The following MYO18A variants were observed in gnomAD, a reference collection of about 807,000 sequenced individuals.
The protein encoded by MYO18A is unconventional myosin-XVIIIa.
MYO18A carries 78 observed loss-of-function variants against 235.8 expected under a neutral mutation model. The ratio of observed to expected loss-of-function variants is 0.33; its 90% confidence interval spans 0.28 to 0.40. The LOEUF (loss-of-function observed/expected upper bound fraction) is 0.40, where lower values mean the gene tolerates loss of function less well. Among genes scored for constraint, MYO18A ranks in the 10% least tolerant of loss-of-function variants. The pLI, the probability that MYO18A is intolerant of heterozygous loss-of-function variation, is 1.00. For synonymous variants in MYO18A, 977 were observed against 1,077.8 expected (o/e 0.91, Z 1.83); for missense variants, 2,215 against 2,699.3 (o/e 0.82, Z 3.98).
chr17:29,135,432 C>T (rs1367538042), intron 2 of MYO18A, among the ~76,000 whole-genome samples: 1 of 92,528 alleles, frequency 1.1e-5, no homozygotes, highest in Non-Finnish European at 2.1e-5. Context: ...AACTGCTTAT[C>T]ATGAATAATA....
intron 34 of MYO18A, among the ~76,000 whole-genome samples, chr17:29,092,093 G>T (rs2066410908): frequency 2.0e-5 from 3 of 152,200 alleles, no homozygotes; most frequent in Non-Finnish European, 4.4e-5. Context: ...AGCTCCCGTA[G>T]GCAGGTGGTT....
intron 1 of MYO18A, among the ~76,000 whole-genome samples, chr17:29,173,124 C>T (rs1330838042): frequency 3.4e-5 from 5 of 145,632 alleles, no homozygotes; most frequent in East Asian, 4.0e-4. Flanking sequence ...GACGGAGTTT[C>T]GCTCTTGTTG....
At chr17:29,116,564 G>A in intron 10 of MYO18A, 109 bp from the exon 11 acceptor site, 1 of 1,295,368 alleles carries the variant, frequency 7.7e-7, no homozygotes, top group South Asian at 1.2e-5. Flanking sequence ...GGGGTGTTGT[G>A]AGGATGAGTA....
chr17:29,098,006 GGC>G, intron 25 of MYO18A, 97 bp downstream of exon 25: 3 of 1,576,870 alleles, frequency 1.9e-6, no homozygotes. Flanking sequence ...AGGGATGCTG[GGC>G]TAGGGGTGAA....
intron 2 of MYO18A, among the ~76,000 whole-genome samples, 166 bp downstream of exon 2, chr17:29,165,776 C>G (rs2068267459): frequency 6.6e-6 from 1 of 152,200 alleles, no homozygotes; most frequent in Non-Finnish European, 1.5e-5. Context: ...GGGGCACCTT[C>G]TCCTGAGTTC....
At chr17:29,083,527 C>CGT (rs1161136931) in intron 40 of MYO18A, among the ~76,000 whole-genome samples, 17 of 75,618 alleles carry the variant, frequency 2.2e-4, no homozygotes, top group Non-Finnish European at 3.9e-4. Flanking sequence ...TGTGTGCGCG[C>CGT]GCGCGCACAC....
In MYO18A at chr17:29,097,841, G is replaced by C. The variant is rs1254405735; in HGVS notation, c.4049C>G (p.Ala1350Gly). Residue 1350 changes from alanine to glycine, a missense_variant, in exon 26 of 42, where the codon GCC (alanine) becomes GGC (glycine). Transcript: ENST00000527372. The part of the protein sequence containing the change: ...MEVMEMEVME[A>G]RLIRAAEING... ...GATCTCCGCTGCCCGGATGAGACGG[G>C]CCTCCATCACCTCCATTTCCATAAC... 1.2e-6 allele frequency: 2 copies of C among 1,613,894 alleles called. No homozygotes were observed. Among genetic ancestry groups the C allele is most frequent in the Non-Finnish European group, 1.7e-6 (2 of 1,179,826 alleles).
At chr17:29,143,602 T>C (rs1331689721) in intron 2 of MYO18A, among the ~76,000 whole-genome samples, 1 of 152,184 alleles carries the variant, frequency 6.6e-6, no homozygotes, top group African/African-American at 2.4e-5. Flanking sequence ...AAATGAGGCA[T>C]TGTAAGCAAA....
chr17:29,155,004 T>C (rs1460803632), intron 2 of MYO18A, among the ~76,000 whole-genome samples: 3 of 152,140 alleles, frequency 2.0e-5, no homozygotes, highest in African/African-American at 7.2e-5. Flanking sequence ...CTAGATACTT[T>C]CCCCTTGATG....
chr17:29,118,045 CT>C lies in MYO18A; in HGVS notation c.2037del (p.Glu680LysfsTer67). 6.3e-7 allele frequency: 1 copy of C among 1,579,314 alleles called. No individual in the cohort carries two copies. The highest frequency in any genetic ancestry group is 8.6e-7 in the Non-Finnish European group (1 of 1,162,598). On this transcript the variant is annotated frameshift_variant and splice_region_variant, in exon 10 of 42. Transcript: ENST00000527372. LOFTEE classifies it high-confidence loss of function. The surrounding 1 kb of genome is among the most constrained non-coding windows in gnomAD (Gnocchi z 4.2). ...IYHLGAAGATKEAAEAGRKQF... is the reference protein window; with the variant it reads ...IYHLGAAGATXEAAEAGRKQF... ...CCTACTGGGACCCACTGCAGGTTACCTTTGGTGGCTCCCGCAGCCCCCAGGT... is the reference window on the plus strand; with the variant it reads ...CCTACTGGGACCCACTGCAGGTTACCTTGGTGGCTCCCGCAGCCCCCAGGT...
At chr17:29,153,644 T>C (rs1244796896) in intron 2 of MYO18A, among the ~76,000 whole-genome samples, 2 of 152,180 alleles carry the variant, frequency 1.3e-5, no homozygotes, top group Admixed American at 1.3e-4. Flanking sequence ...TCCTCACCTG[T>C]GGGTCCTTGC....
At chr17:29,081,141 A>C in intron 41 of MYO18A, 1 of 353,488 alleles carries the variant, frequency 2.8e-6, no homozygotes, top group Middle Eastern at 1.3e-3. Flanking sequence ...CGAAAGGAGG[A>C]GAAAACGGCA....
intron 1 of MYO18A, among the ~76,000 whole-genome samples, chr17:29,173,480 C>A (rs1170556460): frequency 6.6e-6 from 1 of 151,524 alleles, no homozygotes; most frequent in Non-Finnish European, 1.5e-5. Flanking sequence ...CTCCGCCTCC[C>A]GGGTTCACGC....
intron 2 of MYO18A, among the ~76,000 whole-genome samples, chr17:29,159,078 C>T (rs1032561870): frequency 1.9e-4 from 29 of 152,282 alleles, no homozygotes; most frequent in African/African-American, 6.7e-4. Flanking sequence ...CAGGTCAGTG[C>T]AGCCTGGGCA....
rs112770318 is a variant in MYO18A at position 29,083,534 on chromosome 17, A to G, written c.5898-1096T>C. Among the ~76,000 whole-genome samples the G allele has an allele frequency of 4.7e-3, 686 of 145,576 alleles. 2 individuals are homozygous for G. Among genetic ancestry groups the G allele is most frequent in the African/African-American group, 0.013 (499 of 37,800 alleles). The stretch of plus-strand genomic sequence containing the variant: ...CACAGGCATGTGTGCGCGCGCGCGC[A>G]CACACACACACACACACACACACAC... On this transcript the variant is annotated intron_variant, in intron 40 of 41. Transcript: ENST00000527372.
chr17:29,110,700 C>T, intron 17 of MYO18A, 78 bp from the exon 18 acceptor site: 1 of 1,431,688 alleles, frequency 7.0e-7, no homozygotes, highest in Non-Finnish European at 9.4e-7. Flanking sequence ...CCCCAAGGCC[C>T]CAGAACACTA....
chr17:29,103,281 C>T (rs1464738183), intron 21 of MYO18A, among the ~76,000 whole-genome samples: 4 of 152,256 alleles, frequency 2.6e-5, no homozygotes, highest in Non-Finnish European at 5.9e-5. Context: ...CTACTCCCCA[C>T]ACCAGGACTC....
Position 29,090,005 on chromosome 17 carries a change from C to T in MYO18A, c.5482G>A (p.Glu1828Lys), listed in dbSNP as rs1284679115. Residue 1828 changes from glutamate (E) to lysine (K), a missense_variant, in exon 37 of 42, where the codon GAG becomes AAG. Physicochemically the swap from Glu to Lys is moderately conservative, Grantham distance 56. Transcript: ENST00000527372. ...GTCCTTTCAAACTCCAGGCGTGTCT[C>T]CAGCTCCCGTATCTTAGCTTCCTGC... Reference protein sequence around the residue: ...SRQEAKIRELETRLEFERTQV... With the variant: ...SRQEAKIRELKTRLEFERTQV... 1 of 1,614,060 alleles carries T rather than the reference C, an allele frequency of 6.2e-7. No homozygotes were observed. Among genetic ancestry groups the T allele is most frequent in the South Asian group, 1.1e-5 (1 of 91,086 alleles).
chr17:29,096,868 C>A lies in MYO18A; in HGVS notation c.4278G>T (p.Gln1426His). ...ADSEESQRALQQLKKKCQRLT... is the reference protein window; with the variant it reads ...ADSEESQRALHQLKKKCQRLT... ...GTCGCTGGCACTTCTTCTTGAGCTG[C>A]TGCAGAGCCCGCTGACTCTCCTCAC... The change falls in exon 28 of 42, where the codon CAG (glutamine) becomes CAT (histidine). Residue 1426 changes from glutamine to histidine, a missense_variant. Physicochemically the swap from Gln to His is conservative, Grantham distance 24. Transcript: ENST00000527372. 6.3e-7 allele frequency: 1 copy of A among 1,582,696 alleles called. No individual in the cohort carries two copies. The highest frequency in any genetic ancestry group is 1.8e-5 in the Admixed American group (1 of 55,668).
Sources: gnomAD v4.1 joint callset for allele counts (sites outside exome capture counted in the v4.1 genomes callset) on GRCh38, gnomAD v4.1.1 for gene constraint, Gnocchi (gnomAD v3.1) non-coding constraint, MANE v1.5 for transcripts, NCBI Gene and HGNC (gene_info 2026-07-23, HGNC 2026-07-21) for gene names.